Variants in ITPRIP observed in about 807,000 individuals in gnomAD.
ITPRIP encodes inositol 1,4,5-trisphosphate receptor interacting protein.
ITPRIP carries 32 observed loss-of-function variants against 35.8 expected under a neutral mutation model. The ratio of observed to expected loss-of-function variants is 0.89; its 90% CI spans 0.68 to 1.20. ITPRIP has a LOEUF of 1.20. Ranked by LOEUF, ITPRIP falls within the 50% of genes most tolerant of loss-of-function variation. ITPRIP has a pLI of 0.00. For missense variants in ITPRIP, 653 were observed against 735.6 expected, an observed-to-expected ratio of 0.89 and a Z score of 1.30; for synonymous variants, 358 against 324.0, an observed-to-expected ratio of 1.11 and a Z score of -1.13.
rs1359496467 is a variant in ITPRIP, at chr10:104,326,006, G to A, written c.-13-9942C>T. 1.3e-5 allele frequency among the ~76,000 whole-genome samples: 2 copies of A among 152,188 alleles called. No individual in the cohort carries two copies. The highest frequency in any genetic ancestry group is 4.8e-5 in the African/African-American group (2 of 41,464). Reference sequence around the variant, plus strand: ...GAGGTGGCCCTACCACCGAGCCGGTGGGGAAGTACACGCGGGGCAGAAGCT... The same window carrying A: ...GAGGTGGCCCTACCACCGAGCCGGTAGGGAAGTACACGCGGGGCAGAAGCT... On this transcript the variant is annotated intron_variant, in intron 1 of 1. Transcript: ENST00000337478. This position sits in a 1 kb window ranked among gnomAD's most constrained non-coding sequence, Gnocchi z 4.8.
In ITPRIP at chr10:104,315,544, C is replaced by A; in HGVS notation, c.508G>T (p.Asp170Tyr). ...AGGCTCCTCAGGGCTTCCAGCAAGT[C>A]ATCCACGAAGCCTTCCAGGAACTCC... Reference protein sequence around the residue: ...TREFLEGFVDDLLEALRSLCN... With the variant: ...TREFLEGFVDYLLEALRSLCN... Residue 170 changes from aspartate to tyrosine, a missense_variant, in exon 2 of 2, where the codon GAC becomes TAC. Asp to Tyr is a radical substitution (Grantham distance 160). Coordinates refer to ENST00000337478, the MANE Select transcript of ITPRIP (RefSeq NM_001272013.2). This position sits in a 1 kb window ranked among gnomAD's most constrained non-coding sequence, Gnocchi z 5.7. The A allele has an allele frequency of 6.2e-7, 1 of 1,614,222 alleles. No individual in the cohort carries two copies. Among genetic ancestry groups the A allele is most frequent in the Non-Finnish European group, 8.5e-7 (1 of 1,180,024 alleles).
At position 104,328,884 on chromosome 10, in the gene ITPRIP, G is replaced by GATTC. The variant is rs2014090342; in HGVS notation, c.-14+9358_-14+9361dup. On this transcript the variant is annotated intron_variant, in intron 1 of 1. Transcript: ENST00000337478. The surrounding 1 kb of genome is among the most constrained non-coding windows in gnomAD (Gnocchi z 4.1). ...TCTTACCCACGTCCTGGCTTCCTGA[G>GATTC]ATTCTAGGCCCCACACAGTGAAAGA... 6.6e-6 allele frequency: 1 copy of GATTC among 152,166 alleles called. No individual in the cohort carries two copies. Among genetic ancestry groups the GATTC allele is most frequent in the South Asian group, 2.1e-4 (1 of 4,840 alleles). 9.4% of individuals were successfully genotyped at this position (152,166 alleles called of 1,614,324 possible). A position where few individuals can be genotyped will look rare whatever the true frequency, so the allele number is the denominator to read the frequency against.
intron 1 of ITPRIP, among the ~76,000 whole-genome samples, chr10:104,318,834 G>T (rs1050257880): frequency 1.3e-5 from 2 of 152,240 alleles, no homozygotes; most frequent in African/African-American, 4.8e-5. Flanking sequence ...CTGTTATAAA[G>T]CTTGAACAAG....
rs1464362759 is a variant in ITPRIP at position 104,312,874 on chromosome 10, G to A, written c.*1534C>T. 29 of 985,276 alleles carry A rather than the reference G, an allele frequency of 2.9e-5. No homozygotes were observed. The highest frequency in any genetic ancestry group is 6.2e-5 in the Admixed American group (1 of 16,260). The allele number at this position is 985,276 out of a possible 1,614,324, so 61.0% of individuals were successfully genotyped here. On this transcript the variant is annotated 3_prime_UTR_variant, in exon 2 of 2. Transcript: ENST00000337478. ...GCCGGCTTAAACCCTGGAGGAACACGGTATATTCTTGACTCCCTGGCCCCC... is the reference window on the plus strand; with the variant it reads ...GCCGGCTTAAACCCTGGAGGAACACAGTATATTCTTGACTCCCTGGCCCCC...
At position 104,314,627 on chromosome 10, in the gene ITPRIP, G is replaced by A. The variant is rs778928901; in HGVS notation, c.1425C>T (p.His475=). The change falls in exon 2 of 2, where the codon CAC becomes CAT. Residue 475 remains histidine (H), a synonymous_variant. Coordinates refer to ENST00000337478, the MANE Select transcript of ITPRIP (RefSeq NM_001272013.2). ...LEKSLLQKKL[H]HFFIGNRKVP... is the part of the protein sequence containing the mutation. ...CCTTGCGGTTGCCGATGAAGAAGTG[G>A]TGGAGCTTCTTCTGGAGCAAGCTCT... The A allele has an allele frequency of 1.2e-6, 2 of 1,614,142 alleles. No individual in the cohort carries two copies. The highest frequency in any genetic ancestry group is 1.7e-6 in the Non-Finnish European group (2 of 1,180,008).
rs2013566096 is a variant in ITPRIP, at chr10:104,314,294, G to C, written c.*114C>G. On this transcript the variant is annotated 3_prime_UTR_variant, in exon 2 of 2. Coordinates refer to ENST00000337478, the MANE Select transcript of ITPRIP (RefSeq NM_001272013.2). ...TTGGCTTCCTGGCAGGCTGAGCACG[G>C]CTCCCACGAAAGCCCGCCTTGTCCC... The C allele has an allele frequency of 1.3e-6, 2 of 1,510,458 alleles. No homozygotes were observed. Among genetic ancestry groups the C allele is most frequent in the Admixed American group, 2.3e-5 (1 of 44,078 alleles). The allele number at this position is 1,510,458 out of a possible 1,614,324, so 93.6% of individuals were successfully genotyped here.
intron 1 of ITPRIP, among the ~76,000 whole-genome samples, chr10:104,321,852 TTCTG>T (rs2013855821): frequency 6.6e-6 from 1 of 152,134 alleles, no homozygotes; most frequent in African/African-American, 2.4e-5. Context: ...TTCAAGCTCA[TTCTG>T]TCTGTCTTTG....
At chr10:104,316,171 T>A (rs1402145024) in intron 1 of ITPRIP, 107 bp from the exon 2 acceptor site, 2 of 973,536 alleles carry the variant, frequency 2.1e-6, no homozygotes, top group Non-Finnish European at 2.9e-6. Context: ...GTCTTAGTTC[T>A]CCCACCCAAC....
rs1206362580 is a variant in ITPRIP at position 104,312,275 on chromosome 10, C to T, written c.*2133G>A. 2 of 152,512 alleles carry T rather than the reference C, an allele frequency of 1.3e-5. No individual in the cohort carries two copies. The highest frequency in any genetic ancestry group is 2.9e-5 in the Non-Finnish European group (2 of 68,036). The allele number at this position is 152,512 out of a possible 1,614,324, so 9.4% of individuals were successfully genotyped here. On this transcript the variant is annotated 3_prime_UTR_variant, in exon 2 of 2. Transcript: ENST00000337478. ...CCCACCGAGTTCTGTTGTCTCTGTACACACAAGAAGCCAGAAGATATTTTT... is the reference window on the plus strand; with the variant it reads ...CCCACCGAGTTCTGTTGTCTCTGTATACACAAGAAGCCAGAAGATATTTTT...
intron 1 of ITPRIP, among the ~76,000 whole-genome samples, chr10:104,318,965 G>A (rs148279750): frequency 1.1e-4 from 17 of 152,366 alleles, no homozygotes; most frequent in African/African-American, 3.4e-4. Flanking sequence ...GGCGGAGTGC[G>A]CCGCAGACGC....
At position 104,315,416 on chromosome 10, in the gene ITPRIP, C is replaced by A; in HGVS notation, c.636G>T (p.Val212=). ...GGTAGGGCTCGGGGGGTGTGAAGGG[C>A]ACGAAAAGGTGGCACAGCAGTGGCC... The part of the protein sequence containing the change: ...VDRPLLCHLF[V]PFTPPEPYRF... The change falls in exon 2 of 2, where the codon GTG becomes GTT. Residue 212 remains valine, a synonymous_variant. Transcript: ENST00000337478. The surrounding 1 kb of genome is among the most constrained non-coding windows in gnomAD (Gnocchi z 5.7). The A allele has an allele frequency of 6.3e-7, 1 of 1,590,008 alleles. No individual in the cohort carries two copies. The highest frequency in any genetic ancestry group is 8.6e-7 in the Non-Finnish European group (1 of 1,165,224).
intron 1 of ITPRIP, among the ~76,000 whole-genome samples, chr10:104,319,372 T>C (rs1017493885): frequency 4.6e-5 from 7 of 152,254 alleles, no homozygotes; most frequent in African/African-American, 1.7e-4. Flanking sequence ...GCCCCAGGCA[T>C]GGGGAGTAAA....
intron 1 of ITPRIP, among the ~76,000 whole-genome samples, chr10:104,319,003 G>C (rs898591583): frequency 6.6e-6 from 1 of 152,258 alleles, no homozygotes; most frequent in African/African-American, 2.4e-5. Context: ...GCAGGATGTA[G>C]GCAGTGCATA....
rs931213012 is a variant in ITPRIP at position 104,315,875 on chromosome 10, C to T, written c.177G>A (p.Val59=). 9 of 1,613,448 alleles carry T rather than the reference C, an allele frequency of 5.6e-6. No homozygotes were observed. In the African/African-American group the frequency reaches 1.2e-4, roughly 22 times the overall value. Residue 59 remains valine (V), a synonymous_variant, in exon 2 of 2, where the codon GTG becomes GTA. Transcript: ENST00000337478. The surrounding 1 kb of genome is among the most constrained non-coding windows in gnomAD (Gnocchi z 5.7). ...CCTCCTTTTCGGCCGCCAGCCGAGC[C>T]ACCTCCTCCTCCAGGCGCAACTGCT... is the stretch of plus-strand genomic sequence containing the variant. The part of the protein sequence containing the change: ...QLEQLRLEEE[V]ARLAAEKEAL...
chr10:104,327,722 C>T (rs1273997668), intron 1 of ITPRIP, among the ~76,000 whole-genome samples: 3 of 152,236 alleles, frequency 2.0e-5, no homozygotes, highest in Non-Finnish European at 4.4e-5. Context: ...AGGCACCCAA[C>T]TGAGGCTGGT....
chr10:104,319,939 A>G (rs994540870), intron 1 of ITPRIP, among the ~76,000 whole-genome samples: 15 of 152,282 alleles, frequency 9.9e-5, no homozygotes, highest in African/African-American at 3.6e-4. Context: ...AGGAGTGACA[A>G]AACAGACTCT....
intron 1 of ITPRIP, among the ~76,000 whole-genome samples, chr10:104,327,754 A>G (rs276219): frequency 0.4 from 61,498 of 152,084 alleles, 14,724 homozygotes; most frequent in African/African-American, 0.68. Flanking sequence ...CTATCCTTGA[A>G]TTATTGCATT....
At chr10:104,331,037 T>C (rs1323152273) in intron 1 of ITPRIP, among the ~76,000 whole-genome samples, 1 of 152,234 alleles carries the variant, frequency 6.6e-6, no homozygotes, top group Non-Finnish European at 1.5e-5. Context: ...TAAAACCTAA[T>C]GAACTTATGA....
At chr10:104,318,390 T>C (rs958675256) in intron 1 of ITPRIP, among the ~76,000 whole-genome samples, 1 of 152,210 alleles carries the variant, frequency 6.6e-6, no homozygotes, top group Non-Finnish European at 1.5e-5. Flanking sequence ...TCAAGCTGCC[T>C]GGATCACAGG....
Sources: gnomAD v4.1 joint callset for allele counts (sites outside exome capture counted in the v4.1 genomes callset) on GRCh38, gnomAD v4.1.1 for gene constraint, Gnocchi (gnomAD v3.1) non-coding constraint, MANE v1.5 for transcripts, NCBI Gene and HGNC (gene_info 2026-07-23, HGNC 2026-07-21) for gene names.